Variants in HIVEP3 observed in about 807,000 individuals in gnomAD.
HIVEP3 encodes the protein HIVEP zinc finger 3.
Under a neutral mutation model 152.8 loss-of-function variants are expected in HIVEP3, and 49 were observed. That is an observed-to-expected ratio of 0.32 (90% confidence interval 0.26 to 0.41). The LOEUF (loss-of-function observed/expected upper bound fraction) is 0.41. HIVEP3 is among the 10% of genes least tolerant of loss of function. The pLI is 1.00. For synonymous variants in HIVEP3, 1,269 were observed against 1,289.0 expected (o/e 0.98, Z 0.33); for missense variants, 2,790 against 3,103.3 (o/e 0.90, Z 2.40).
intron 3 of HIVEP3, among the ~76,000 whole-genome samples, chr1:41,596,214 T>C (rs953588515): frequency 2.0e-5 from 3 of 152,190 alleles, no homozygotes; most frequent in African/African-American, 7.2e-5. Context: ...AACAGAGCTG[T>C]GGTCAGTGAC....
At chr1:41,747,073 T>C (rs1647084005) in intron 1 of HIVEP3, among the ~76,000 whole-genome samples, 1 of 152,146 alleles carries the variant, frequency 6.6e-6, no homozygotes, top group African/African-American at 2.4e-5. Flanking sequence ...AACTGAGGAT[T>C]CCCACCTGTG....
At chr1:41,541,158 C>T (rs1569823056) in intron 5 of HIVEP3, among the ~76,000 whole-genome samples, 5 of 152,332 alleles carry the variant, frequency 3.3e-5, no homozygotes, top group East Asian at 1.9e-4. Flanking sequence ...TGAGCAAGCA[C>T]CCGCCCATGG....
At position 41,540,184 on chromosome 1, in the gene HIVEP3, A is replaced by G. The variant is rs183920106; in HGVS notation, c.5208-15274T>C. On this transcript the variant is annotated intron_variant, in intron 5 of 8. Coordinates refer to ENST00000372583, the MANE Select transcript of HIVEP3 (RefSeq NM_024503.5). ...AAGGCTCTCTCTAGTAGCAGCTGAC[A>G]CTATGCGTACACCAGGTGCCTGGCC... Among the ~76,000 whole-genome samples, 252 of 152,372 alleles carry G rather than the reference A, an allele frequency of 1.7e-3. 1 individual carries two copies. The highest frequency in any genetic ancestry group is 5.9e-3 in the African/African-American group (244 of 41,592).
intron 1 of HIVEP3, among the ~76,000 whole-genome samples, chr1:42,027,100 T>A (rs1267048968): frequency 6.6e-6 from 1 of 152,216 alleles, no homozygotes; most frequent in Non-Finnish European, 1.5e-5. Flanking sequence ...GACCTTGCTT[T>A]TGAATGTTTC....
chr1:41,870,074 T>G (rs1273761043), intron 1 of HIVEP3, among the ~76,000 whole-genome samples: 1 of 152,176 alleles, frequency 6.6e-6, no homozygotes, highest in Non-Finnish European at 1.5e-5. Flanking sequence ...TTTTCTCAAG[T>G]GTCAGTCCTG....
At chr1:41,832,087 G>C (rs1032501997) in intron 1 of HIVEP3, among the ~76,000 whole-genome samples, 18 of 152,120 alleles carry the variant, frequency 1.2e-4, no homozygotes, top group African/African-American at 3.9e-4. Context: ...CTCGAGATCT[G>C]CATTTCTAAC....
At chr1:41,545,362 TCACCACCACCAC>T (rs1197788634) in intron 5 of HIVEP3, among the ~76,000 whole-genome samples, 2 of 12,460 alleles carry the variant, frequency 1.6e-4, no homozygotes, top group African/African-American at 2.9e-4. Flanking sequence ...ATCGCCACCA[TCACCACCACCAC>T]CACTACCACC....
At chr1:41,843,906 C>A (rs1453266327) in intron 1 of HIVEP3, among the ~76,000 whole-genome samples, 1 of 151,976 alleles carries the variant, frequency 6.6e-6, no homozygotes, top group Non-Finnish European at 1.5e-5. Context: ...TCCCTCCCCC[C>A]TCCGTGTGTG....
At chr1:42,007,282 G>A (rs80069801) in intron 1 of HIVEP3, among the ~76,000 whole-genome samples, 1 of 152,176 alleles carries the variant, frequency 6.6e-6, no homozygotes, top group Non-Finnish European at 1.5e-5. Context: ...CCTTCATGAG[G>A]CTCACTGCAG....
At chr1:41,545,309 C>G (rs529958550) in intron 5 of HIVEP3, among the ~76,000 whole-genome samples, 33 of 145,758 alleles carry the variant, frequency 2.3e-4, no homozygotes, top group East Asian at 6.4e-4. Flanking sequence ...CCTCTACCAC[C>G]ATCGCTACCA....
chr1:41,628,712 C>T (rs1332442557), intron 3 of HIVEP3, 37 bp downstream of exon 3: 1 of 1,223,034 alleles, frequency 8.2e-7, no homozygotes, highest in African/African-American at 1.6e-5. Context: ...AACATGGCGC[C>T]TGGCAAGCAT....
At chr1:41,986,683 AC>A (rs1267428256) in intron 1 of HIVEP3, among the ~76,000 whole-genome samples, 4 of 151,940 alleles carry the variant, frequency 2.6e-5, no homozygotes, top group African/African-American at 9.7e-5. Flanking sequence ...CTCGTGATCC[AC>A]CCACCTTGGC....
chr1:42,014,649 C>T (rs10736422), intron 1 of HIVEP3, among the ~76,000 whole-genome samples: 103,250 of 151,986 alleles, frequency 0.68, 35,712 homozygotes, highest in East Asian at 0.96. Context: ...GACATCTGCT[C>T]AGGTGAACTT....
chr1:41,897,330 C>T (rs942758043), intron 1 of HIVEP3, among the ~76,000 whole-genome samples: 10 of 152,116 alleles, frequency 6.6e-5, no homozygotes, highest in African/African-American at 2.2e-4. Context: ...TGGTGTCCCC[C>T]TAAAATTCTT....
chr1:41,897,955 G>C (rs12123528), intron 1 of HIVEP3, among the ~76,000 whole-genome samples: 904 of 58,398 alleles, frequency 0.015, 9 homozygotes, highest in Middle Eastern at 0.038. Context: ...GAGAGAGAGA[G>C]AGAGAGAGAG....
At chr1:41,555,393 C>G (rs1403534575) in intron 5 of HIVEP3, among the ~76,000 whole-genome samples, 1 of 152,230 alleles carries the variant, frequency 6.6e-6, no homozygotes, top group African/African-American at 2.4e-5. Flanking sequence ...TTTCCACGTA[C>G]AGTCTGTCAT....
intron 1 of HIVEP3, among the ~76,000 whole-genome samples, chr1:41,808,137 C>G (rs949036405): frequency 2.6e-5 from 4 of 152,244 alleles, no homozygotes; most frequent in African/African-American, 9.6e-5. Context: ...AGTAAGATTA[C>G]TACCCCCATT....
At chr1:41,905,403 G>A (rs1644694367) in intron 1 of HIVEP3, among the ~76,000 whole-genome samples, 1 of 152,170 alleles carries the variant, frequency 6.6e-6, no homozygotes, top group Non-Finnish European at 1.5e-5. Context: ...AGCAGTTGAT[G>A]GAGACAGTTC....
At chr1:41,809,949 C>T (rs549487151) in intron 1 of HIVEP3, among the ~76,000 whole-genome samples, 10 of 152,284 alleles carry the variant, frequency 6.6e-5, no homozygotes, top group East Asian at 1.9e-4. Context: ...AATATCCAAA[C>T]GACATGTCCA....
Sources: gnomAD v4.1 joint callset for allele counts (sites outside exome capture counted in the v4.1 genomes callset) on GRCh38, gnomAD v4.1.1 for gene constraint, MANE v1.5 for transcripts, NCBI Gene and HGNC (gene_info 2026-07-23, HGNC 2026-07-21) for gene names.